API5: variants seen among roughly 807,000 people sequenced by gnomAD.
The protein encoded by API5 is apoptosis inhibitor 5.
Under a neutral mutation model 71.9 loss-of-function variants are expected in API5, and 6 were observed. That is an observed-to-expected ratio of 0.08 (90% CI 0.05 to 0.16). The LOEUF (loss-of-function observed/expected upper bound fraction) is 0.16. Among genes scored for constraint, API5 ranks in the 10% least tolerant of loss-of-function variants. The pLI is 1.00. For synonymous variants in API5, 189 were observed against 221.3 expected (o/e 0.85, Z 1.30); for missense variants, 332 against 612.8 (o/e 0.54, Z 4.84).
chr11:43,337,090 G>A (rs1203755912), intron 13 of API5, among the ~76,000 whole-genome samples: 1 of 151,728 alleles, frequency 6.6e-6, no homozygotes, highest in Non-Finnish European at 1.5e-5. Context: ...TTCGGAGGCC[G>A]AGGTGGGAGG....
chr11:43,331,437 T>C (rs575033681), intron 11 of API5: 89 of 156,000 alleles, frequency 5.7e-4, no homozygotes, highest in East Asian at 1.8e-4. Flanking sequence ...AATTAACACA[T>C]TTTTTATATG....
At chr11:43,326,702 A>T in intron 7 of API5, 91 bp downstream of exon 7, 1 of 755,972 alleles carries the variant, frequency 1.3e-6, no homozygotes, top group Non-Finnish European at 2.3e-6. Flanking sequence ...TTTCTAAGGG[A>T]GCAGTTTAAA....
chr11:43,327,897 C>T lies in API5; in HGVS notation c.945+19C>T. The T allele has an allele frequency of 4.0e-6, 6 of 1,518,462 alleles. No individual in the cohort carries two copies. Among genetic ancestry groups the T allele is most frequent in the Non-Finnish European group, 5.5e-6 (6 of 1,097,286 alleles). The allele number at this position is 1,518,462 out of a possible 1,614,324, so 94.1% of individuals were successfully genotyped here. A position where few individuals can be genotyped will look rare whatever the true frequency, so the allele number is the denominator to read the frequency against. On this transcript the variant is annotated intron_variant, in intron 8 of 13. Transcript: ENST00000531273. Reference sequence around the variant, plus strand: ...GTTATTGGTAAGAACTTTTTCCTTTCCTTATGGGATAGTCAGTATATAGCT... The same window carrying T: ...GTTATTGGTAAGAACTTTTTCCTTTTCTTATGGGATAGTCAGTATATAGCT...
chr11:43,339,480 C>G (rs759735946), intron 13 of API5: 1 of 152,094 alleles, frequency 6.6e-6, no homozygotes, highest in Non-Finnish European at 1.5e-5. Context: ...GTGATAACTT[C>G]GATCAGTTTT....
At chr11:43,329,199 T>G in intron 9 of API5, 2 of 248,066 alleles carry the variant, frequency 8.1e-6, no homozygotes, top group Non-Finnish European at 1.6e-5. Flanking sequence ...TTAAAAAAAT[T>G]AGCGGAGTGT....
chr11:43,315,569 A>G (rs1854640550), intron 1 of API5, among the ~76,000 whole-genome samples: 1 of 152,158 alleles, frequency 6.6e-6, no homozygotes. Context: ...TTTATCATAC[A>G]CACACACATA....
At chr11:43,330,474 G>A in intron 10 of API5, 34 bp from the exon 11 acceptor site, 3 of 1,459,960 alleles carry the variant, frequency 2.1e-6, no homozygotes, top group Non-Finnish European at 1.9e-6. Context: ...AGAAGTTATT[G>A]GCAATTTGTC....
chr11:43,312,284 G>A (rs1854500428), intron 1 of API5, 88 bp downstream of exon 1: 9 of 1,439,302 alleles, frequency 6.3e-6, no homozygotes, highest in Non-Finnish European at 7.7e-6. Context: ...GGCCGAGCGG[G>A]GGCTGCGGCT....
intron 7 of API5, 70 bp downstream of exon 7, chr11:43,326,681 C>T (rs1855086928): frequency 3.5e-6 from 3 of 860,804 alleles, no homozygotes; most frequent in Non-Finnish European, 5.7e-6. Context: ...AAACCACTAA[C>T]TTAGATCCGA....
chr11:43,336,226 A>C (rs966256617), intron 13 of API5: 1 of 467,454 alleles, frequency 2.1e-6, no homozygotes, highest in African/African-American at 2.0e-5. Context: ...ACTTAAAGAA[A>C]AATATGCCTC....
chr11:43,321,240 G>C (rs1403959100), intron 3 of API5, among the ~76,000 whole-genome samples, 171 bp from the exon 4 acceptor site: 3 of 152,140 alleles, frequency 2.0e-5, no homozygotes, highest in Non-Finnish European at 4.4e-5. Flanking sequence ...GCCAGATCGG[G>C]TTCTCAACTT....
At chr11:43,312,259 C>T in intron 1 of API5, 63 bp downstream of exon 1, 1 of 1,542,872 alleles carries the variant, frequency 6.5e-7, no homozygotes, top group Non-Finnish European at 8.9e-7. Flanking sequence ...AAAGCGCTTC[C>T]CGCCGCACTC....
intron 13 of API5, among the ~76,000 whole-genome samples, chr11:43,340,644 A>G (rs1415514020): frequency 6.6e-6 from 1 of 152,038 alleles, no homozygotes; most frequent in East Asian, 1.9e-4. Flanking sequence ...CAGCCAACTG[A>G]TTTTTTACAA....
chr11:43,321,555 C>T, intron 4 of API5, 79 bp downstream of exon 4: 1 of 1,167,052 alleles, frequency 8.6e-7, no homozygotes, highest in Admixed American at 2.3e-5. Flanking sequence ...TAAGAATAAA[C>T]TCTAGGGTTT....
intron 1 of API5, among the ~76,000 whole-genome samples, chr11:43,314,785 T>G (rs1479455020): frequency 6.6e-6 from 1 of 152,216 alleles, no homozygotes; most frequent in Non-Finnish European, 1.5e-5. Context: ...TCTGCTCTGT[T>G]GGGTTATACT....
At chr11:43,334,262 TAATG>T (rs1347814061) in intron 11 of API5, among the ~76,000 whole-genome samples, 3 of 152,210 alleles carry the variant, frequency 2.0e-5, no homozygotes, top group Admixed American at 6.5e-5. Flanking sequence ...ATTTTTATTT[TAATG>T]AATCCCCAAA....
At chr11:43,320,617 G>T (rs905869191) in intron 2 of API5, among the ~76,000 whole-genome samples, 8 of 151,824 alleles carry the variant, frequency 5.3e-5, no homozygotes, top group African/African-American at 1.9e-4. Flanking sequence ...TATAGTCCTA[G>T]CTACTAGGGA....
At chr11:43,332,226 T>C (rs982928966) in intron 11 of API5, 1 of 152,176 alleles carries the variant, frequency 6.6e-6, no homozygotes, top group Non-Finnish European at 1.5e-5. Flanking sequence ...GTGGAAGTTA[T>C]TCCCCATACA....
At position 43,318,388 on chromosome 11, in the gene API5, A is replaced by G. The variant is rs1291668127; in HGVS notation, c.70-252A>G. ...AGAATGAAGAAGTATTGGCATATTA[A>G]CAAACACATTTGCTTTTTCCACTTA... On this transcript the variant is annotated intron_variant, in intron 1 of 13. Coordinates refer to ENST00000531273, the MANE Select transcript of API5 (RefSeq NM_001142930.2). The G allele has an allele frequency of 7.4e-6, 11 of 1,486,976 alleles. No individual in the cohort carries two copies. In the East Asian group the frequency reaches 2.2e-4, roughly 30 times the overall value. 92.1% of individuals were successfully genotyped at this position (1,486,976 alleles called of 1,614,324 possible). A position where few individuals can be genotyped will look rare whatever the true frequency, so the allele number is the denominator to read the frequency against.
Sources: gnomAD v4.1 joint callset for allele counts (sites outside exome capture counted in the v4.1 genomes callset) on GRCh38, gnomAD v4.1.1 for gene constraint, MANE v1.5 for transcripts, NCBI Gene and HGNC (gene_info 2026-07-23, HGNC 2026-07-21) for gene names.